HYDIN: variants seen among roughly 807,000 people sequenced by gnomAD.
HYDIN encodes the protein HYDIN axonemal central pair apparatus protein.
HYDIN carries 132 observed loss-of-function variants against 403.9 expected under a neutral mutation model. The observed-to-expected ratio is 0.33, with a 90% CI of 0.28 to 0.38. HYDIN has a LOEUF of 0.38. Ranked by LOEUF, HYDIN falls within the 10% of genes least tolerant of loss-of-function variation. HYDIN has a pLI of 1.00. For synonymous variants in HYDIN, 1,202 were observed against 1,891.7 expected, an observed-to-expected ratio of 0.64 and a Z score of 9.46; for missense variants, 2,827 against 5,009.5, an observed-to-expected ratio of 0.56 and a Z score of 13.15.
Position 70,957,337 on chromosome 16 carries a change from T to TG in HYDIN, c.6143-1790_6143-1789insC, listed in dbSNP as rs2078275254. Among the ~76,000 whole-genome samples, 4 of 151,658 alleles carry TG rather than the reference T, an allele frequency of 2.6e-5. No homozygotes were observed. In the South Asian group the frequency reaches 8.4e-4, roughly 32 times the overall value. ...TCAGAATTTCCTTCCTATTTTTTTT[T>TG]TTTTTTTGAGATGGAGTCTCGCCCT... On this transcript the variant is annotated intron_variant, in intron 39 of 85. Coordinates refer to ENST00000393567, the MANE Select transcript of HYDIN (RefSeq NM_001270974.2).
chr16:70,930,411 G>A (rs2077282751), intron 45 of HYDIN, among the ~76,000 whole-genome samples: 1 of 152,142 alleles, frequency 6.6e-6, no homozygotes, highest in South Asian at 2.1e-4. Context: ...AACCTGGGAG[G>A]CGGAGGTTGC....
chr16:70,839,884 C>A (rs922033935), intron 76 of HYDIN, among the ~76,000 whole-genome samples, 180 bp downstream of exon 76: 1 of 147,008 alleles, frequency 6.8e-6, no homozygotes, highest in African/African-American at 2.5e-5. Flanking sequence ...TAGCTCGTGG[C>A]TATCCAAGTA....
At chr16:71,127,792 C>G (rs1379782839) in intron 9 of HYDIN, among the ~76,000 whole-genome samples, 3 of 152,194 alleles carry the variant, frequency 2.0e-5, no homozygotes, top group South Asian at 4.1e-4. Flanking sequence ...TGCCTCAGCC[C>G]AGCTCAGCCA....
chr16:71,182,153 G>A (rs749891976), intron 3 of HYDIN, among the ~76,000 whole-genome samples: 10 of 152,168 alleles, frequency 6.6e-5, no homozygotes, highest in Non-Finnish European at 1.2e-4. Flanking sequence ...AGAGGGAGAA[G>A]AGTAGAAGGC....
chr16:71,053,291 C>G lies in HYDIN; in HGVS notation c.2529+7213G>C, dbSNP rs1173191644. ...AACATCTAATGAGGTTGAAAATGTA[C>G]CTATCTGAAGAGTCAACAAATTCCA... is the stretch of plus-strand genomic sequence containing the variant. On this transcript the variant is annotated intron_variant, in intron 18 of 85. Transcript: ENST00000393567. Among the ~76,000 whole-genome samples the G allele has an allele frequency of 2.6e-5, 4 of 151,866 alleles. No homozygotes were observed. The South Asian group carries it at 6.2e-4, about 24-fold the overall frequency.
chr16:70,906,344 C>T (rs1043153696), intron 50 of HYDIN, among the ~76,000 whole-genome samples: 1 of 151,766 alleles, frequency 6.6e-6, no homozygotes. Context: ...TGGATGACCA[C>T]ACATCATTTG....
chr16:70,868,535 G>T (rs757312840), intron 66 of HYDIN, 35 bp downstream of exon 66: 7 of 1,588,994 alleles, frequency 4.4e-6, no homozygotes, highest in Middle Eastern at 2.3e-4. Flanking sequence ...AAGCATGGAG[G>T]CCTGGTCAGA....
At chr16:71,224,983 C>T (rs1213940301) in intron 1 of HYDIN, among the ~76,000 whole-genome samples, 1 of 152,186 alleles carries the variant, frequency 6.6e-6, no homozygotes, top group Non-Finnish European at 1.5e-5. Flanking sequence ...ATTCTAGGCA[C>T]AGGGAGACAA....
chr16:71,073,956 C>T (rs1313170081), intron 13 of HYDIN, among the ~76,000 whole-genome samples: 9 of 152,182 alleles, frequency 5.9e-5, no homozygotes, highest in African/African-American at 2.2e-4. Flanking sequence ...TAGAAACCAA[C>T]ATATAGTACT....
At chr16:70,877,854 A>G (rs921395350) in intron 62 of HYDIN, among the ~76,000 whole-genome samples, 27 of 152,248 alleles carry the variant, frequency 1.8e-4, no homozygotes, top group African/African-American at 6.0e-4. Context: ...GTGGAATAAT[A>G]TCTCCCATTT....
chr16:70,971,999 T>C (rs1167164913), intron 35 of HYDIN, among the ~76,000 whole-genome samples: 1 of 152,146 alleles, frequency 6.6e-6, no homozygotes, highest in Non-Finnish European at 1.5e-5. Context: ...AACATTTTAC[T>C]AACTTTGACC....
intron 5 of HYDIN, among the ~76,000 whole-genome samples, chr16:71,163,770 G>C (rs1472969030): frequency 6.6e-6 from 1 of 152,220 alleles, no homozygotes; most frequent in Non-Finnish European, 1.5e-5. Flanking sequence ...GAGGGCCCAG[G>C]CAACACCAGA....
intron 5 of HYDIN, among the ~76,000 whole-genome samples, chr16:71,163,419 G>A (rs777059272): frequency 2.0e-5 from 3 of 152,138 alleles, no homozygotes; most frequent in East Asian, 1.9e-4. Context: ...CACCGCGCCC[G>A]GCCGATGTTT....
At chr16:71,202,895 G>A (rs1196888223) in intron 1 of HYDIN, among the ~76,000 whole-genome samples, 1 of 152,082 alleles carries the variant, frequency 6.6e-6, no homozygotes, top group Non-Finnish European at 1.5e-5. Flanking sequence ...CAGAGAGGTA[G>A]GCAGACATAG....
chr16:70,890,904 G>A (rs964926984), intron 57 of HYDIN, among the ~76,000 whole-genome samples: 1 of 151,378 alleles, frequency 6.6e-6, no homozygotes, highest in Non-Finnish European at 1.5e-5. Flanking sequence ...CGCTTCCAGA[G>A]CAGCCCCACC....
chr16:71,196,822 C>G (rs933537005), intron 1 of HYDIN, among the ~76,000 whole-genome samples: 8 of 152,152 alleles, frequency 5.3e-5, no homozygotes, highest in Admixed American at 5.2e-4. Context: ...CCACCAGTGC[C>G]ATGAAAGTTT....
At chr16:71,066,009 C>G (rs1162467593) in intron 15 of HYDIN, among the ~76,000 whole-genome samples, 1 of 152,102 alleles carries the variant, frequency 6.6e-6, no homozygotes, top group East Asian at 1.9e-4. Flanking sequence ...CAGTGACTTT[C>G]TTAAAGCTAA....
intron 30 of HYDIN, among the ~76,000 whole-genome samples, chr16:70,976,864 G>A (rs2078902903): frequency 6.6e-6 from 1 of 152,130 alleles, no homozygotes; most frequent in Non-Finnish European, 1.5e-5. Context: ...GGCCCAGCAG[G>A]GAAGGTTAAT....
chr16:71,056,164 AG>A (rs1468637394), intron 18 of HYDIN, among the ~76,000 whole-genome samples: 5 of 141,784 alleles, frequency 3.5e-5, no homozygotes, highest in Non-Finnish European at 1.5e-5. Context: ...TTCAAACCAG[AG>A]GTGCCTTATT....
Sources: allele counts gnomAD v4.1 joint callset (sites outside exome capture counted in the v4.1 genomes callset), GRCh38; gene constraint gnomAD v4.1.1; transcripts MANE v1.5; gene names NCBI Gene and HGNC (gene_info 2026-07-23, HGNC 2026-07-21).